DGKZ: variants seen among roughly 807,000 people sequenced by gnomAD.
DGKZ encodes the protein DAG kinase zeta.
In DGKZ, 45 loss-of-function variants were observed where a neutral mutation model predicts 142.5. The ratio of observed to expected loss-of-function variants is 0.32; its 90% CI spans 0.25 to 0.40. The LOEUF is 0.40. Ranked by LOEUF, DGKZ falls within the 10% of genes least tolerant of loss-of-function variation. DGKZ has a pLI of 1.00. For missense variants in DGKZ, 755 were observed against 1,306.5 expected (o/e 0.58, Z 6.51); for synonymous variants, 442 against 527.0 (o/e 0.84, Z 2.21).
intron 24 of DGKZ, chr11:46,376,810 GCC>G: frequency 3.1e-6 from 2 of 651,218 alleles, no homozygotes; most frequent in Admixed American, 5.8e-5. Flanking sequence ...GGGTAGGAGG[GCC>G]TGGAAGCCCA....
chr11:46,335,975 A>C (rs1284081783), intron 1 of DGKZ, among the ~76,000 whole-genome samples: 1 of 152,238 alleles, frequency 6.6e-6, no homozygotes, highest in Non-Finnish European at 1.5e-5. Context: ...AGTTCCGTGC[A>C]GCTCTGGCTG....
At chr11:46,379,764 CCT>C (rs370582206) in intron 30 of DGKZ, 65 bp from the exon 31 acceptor site, 16 of 1,459,626 alleles carry the variant, frequency 1.1e-5, no homozygotes, top group East Asian at 4.8e-5. Flanking sequence ...AGAGCCCCTG[CCT>C]CTCAGCCTGC....
exon 1 of DGKZ, chr11:46,333,206 G>A (rs1939855542): frequency 8.3e-7 from 1 of 1,209,332 alleles, no homozygotes; most frequent in Non-Finnish European, 1.0e-6. Context: ...CGGCCCGGGC[G>A]GACTGGAGAC....
Position 46,367,511 on chromosome 11 carries a change from G to T in DGKZ, c.270+112G>T. ...GGAGAGCCAAGCCTGGAAGGGTTGG[G>T]ACAGTGGGGCAGACGGAACAGAGCA... On this transcript the variant is annotated intron_variant, in intron 2 of 30. Transcript: ENST00000527911. This position sits in a 1 kb window ranked among gnomAD's most constrained non-coding sequence, Gnocchi z 4.1. 7.3e-7 allele frequency: 1 copy of T among 1,362,714 alleles called. No homozygotes were observed. Among genetic ancestry groups the T allele is most frequent in the South Asian group, 1.3e-5 (1 of 74,488 alleles). The allele number at this position is 1,362,714 out of a possible 1,614,324, so 84.4% of individuals were successfully genotyped here. A position where few individuals can be genotyped will look rare whatever the true frequency, so the allele number is the denominator to read the frequency against.
chr11:46,356,645 C>T (rs570326175), intron 1 of DGKZ, among the ~76,000 whole-genome samples: 2 of 152,054 alleles, frequency 1.3e-5, no homozygotes, highest in Admixed American at 6.6e-5. Context: ...AAGGGACCCG[C>T]GGTGTTTTGT....
upstream of DGKZ, among the ~76,000 whole-genome samples, chr11:46,344,906 G>A (rs764573199): frequency 6.6e-6 from 1 of 152,134 alleles, no homozygotes; most frequent in African/African-American, 2.4e-5. Flanking sequence ...ACACAGAGCT[G>A]GTAAGAGGCA....
chr11:46,370,390 G>A (rs1247008106), intron 6 of DGKZ, among the ~76,000 whole-genome samples: 1 of 152,208 alleles, frequency 6.6e-6, no homozygotes, highest in African/African-American at 2.4e-5. Context: ...CTTTCCAGGC[G>A]ACCGCCTAAC....
At chr11:46,366,082 C>T in intron 1 of DGKZ, 1 of 985,408 alleles carries the variant, frequency 1.0e-6, no homozygotes, top group Non-Finnish European at 1.2e-6. Context: ...AGTGACCCCT[C>T]CCTCCCTCAG....
chr11:46,366,226 G>T, intron 1 of DGKZ: 1 of 1,540,950 alleles, frequency 6.5e-7, no homozygotes, highest in Non-Finnish European at 8.7e-7. Context: ...TGATGCTCCC[G>T]GTCTCTGTGC....
upstream of DGKZ, among the ~76,000 whole-genome samples, chr11:46,344,319 C>G (rs536416438): frequency 3.3e-4 from 50 of 152,244 alleles, no homozygotes; most frequent in South Asian, 0.01. Flanking sequence ...AGCCCTGCTT[C>G]CTTGTTTTTA....
At chr11:46,346,133 G>A (rs1417730259), upstream of DGKZ, among the ~76,000 whole-genome samples, 1 of 152,188 alleles carries the variant, frequency 6.6e-6, no homozygotes, top group African/African-American at 2.4e-5. Context: ...GAGGGTTCTG[G>A]GCCTCGGGGT....
intron 4 of DGKZ, chr11:46,369,226 G>C: frequency 1.8e-6 from 1 of 553,688 alleles, no homozygotes; most frequent in East Asian, 3.1e-5. Flanking sequence ...TCCCATGTTA[G>C]TGGGGGAGAC....
intron 27 of DGKZ, chr11:46,378,729 G>C (rs1944854790): frequency 3.6e-6 from 3 of 842,056 alleles, no homozygotes; most frequent in Non-Finnish European, 5.8e-6. Flanking sequence ...CCTGTCCCTG[G>C]TGCTTAGAAA....
intron 1 of DGKZ, among the ~76,000 whole-genome samples, chr11:46,349,116 C>T (rs1217421633): frequency 6.6e-6 from 1 of 152,230 alleles, no homozygotes; most frequent in Non-Finnish European, 1.5e-5. Context: ...CCACTCTTTG[C>T]ACCTGCACTC....
upstream of DGKZ, among the ~76,000 whole-genome samples, chr11:46,344,999 G>A (rs1261926808): frequency 6.6e-6 from 1 of 152,216 alleles, no homozygotes; most frequent in Non-Finnish European, 1.5e-5. Flanking sequence ...CCAGCCCTGT[G>A]TAAGATGGTA....
At chr11:46,352,334 G>A (rs1273153578) in intron 1 of DGKZ, among the ~76,000 whole-genome samples, 3 of 152,224 alleles carry the variant, frequency 2.0e-5, no homozygotes, top group Admixed American at 6.5e-5. Flanking sequence ...TGGGAGGCCG[G>A]TGGGCGAGGA....
chr11:46,355,306 C>T (rs1392665155), intron 1 of DGKZ, among the ~76,000 whole-genome samples: 2 of 151,740 alleles, frequency 1.3e-5, no homozygotes, highest in Admixed American at 1.3e-4. Flanking sequence ...GACGGGGTTT[C>T]GCCATGTTAG....
chr11:46,378,385 G>C, intron 26 of DGKZ, 72 bp from the exon 27 acceptor site: 3 of 1,555,920 alleles, frequency 1.9e-6, no homozygotes, highest in South Asian at 1.2e-5. Context: ...GGCCGGCACA[G>C]TCCTGTCCAC....
intron 1 of DGKZ, among the ~76,000 whole-genome samples, chr11:46,360,994 C>T (rs1235749429): frequency 3.3e-5 from 5 of 152,174 alleles, no homozygotes; most frequent in African/African-American, 9.7e-5. Context: ...TCAACCAAAT[C>T]GGAGTTGTGG....
Sources: gnomAD v4.1 joint callset for allele counts (sites outside exome capture counted in the v4.1 genomes callset) on GRCh38, gnomAD v4.1.1 for gene constraint, Gnocchi (gnomAD v3.1) non-coding constraint, MANE v1.5 for transcripts, NCBI Gene and HGNC (gene_info 2026-07-23, HGNC 2026-07-21) for gene names.